Variants in RALYL observed in about 807,000 individuals in gnomAD.
The protein encoded by RALYL is RALY RNA binding protein like.
In RALYL, 29 loss-of-function variants were observed where a neutral mutation model predicts 35.1. That is an observed-to-expected ratio of 0.83 (90% CI 0.61 to 1.13). The LOEUF (loss-of-function observed/expected upper bound fraction) is 1.13. Among genes scored for constraint, RALYL ranks in the 50% most tolerant of loss-of-function variants. The pLI, the probability that RALYL is intolerant of heterozygous loss-of-function variation, is 0.00. For synonymous variants in RALYL, 120 were observed against 127.6 expected, an observed-to-expected ratio of 0.94 and a Z score of 0.40; for missense variants, 359 against 360.4, an observed-to-expected ratio of 1.00 and a Z score of 0.03.
intron 1 of RALYL, among the ~76,000 whole-genome samples, chr8:84,523,295 G>A (rs2058609608): frequency 6.9e-6 from 1 of 145,716 alleles, no homozygotes; most frequent in Non-Finnish European, 1.5e-5. Flanking sequence ...AAAACCATCA[G>A]CTCTCATGAG....
chr8:84,229,683 T>C (rs149465535), intron 1 of RALYL, among the ~76,000 whole-genome samples: 3,063 of 152,292 alleles, frequency 0.02, 48 homozygotes, highest in Middle Eastern at 0.075. Flanking sequence ...TTAGATATTT[T>C]GAGATTAAGA....
intron 1 of RALYL, among the ~76,000 whole-genome samples, chr8:84,377,497 C>A (rs1857179242): frequency 1.3e-5 from 1 of 78,364 alleles, no homozygotes. Flanking sequence ...CCCATGAGAT[C>A]AGTTTTCTTT....
intron 8 of RALYL, among the ~76,000 whole-genome samples, chr8:84,906,509 T>C (rs559474906): frequency 1.3e-5 from 2 of 152,174 alleles, no homozygotes; most frequent in East Asian, 3.9e-4. Context: ...ACAAAAGAAA[T>C]GGCAACAGGT....
intron 4 of RALYL, among the ~76,000 whole-genome samples, chr8:84,813,907 A>G (rs1468679153): frequency 1.5e-5 from 1 of 68,654 alleles, no homozygotes; most frequent in Non-Finnish European, 2.8e-5. Flanking sequence ...CCCTCCCCCC[A>G]CCCCACGACA....
intron 1 of RALYL, among the ~76,000 whole-genome samples, chr8:84,312,703 T>C (rs1843037343): frequency 6.6e-6 from 1 of 152,250 alleles, no homozygotes; most frequent in Admixed American, 6.5e-5. Flanking sequence ...CCCATGGCCT[T>C]GGGCAGGTCT....
chr8:84,619,886 G>C (rs1348395455), intron 2 of RALYL, among the ~76,000 whole-genome samples: 2 of 151,008 alleles, frequency 1.3e-5, no homozygotes, highest in South Asian at 2.1e-4. Flanking sequence ...ATTCTGGGTT[G>C]AAAATTCTTT....
intron 2 of RALYL, among the ~76,000 whole-genome samples, chr8:84,570,382 G>C (rs563049497): frequency 5.3e-5 from 8 of 151,414 alleles, no homozygotes; most frequent in African/African-American, 1.9e-4. Flanking sequence ...CTCTCAGCTT[G>C]AACATTATTG....
chr8:84,214,144 T>A (rs967437267), intron 1 of RALYL, among the ~76,000 whole-genome samples: 6 of 152,130 alleles, frequency 3.9e-5, no homozygotes, highest in African/African-American at 1.4e-4. Flanking sequence ...CTTAATTAGG[T>A]CAAATTACCT....
intron 1 of RALYL, among the ~76,000 whole-genome samples, chr8:84,261,556 T>TA (rs1294286542): frequency 6.6e-6 from 1 of 152,166 alleles, no homozygotes; most frequent in Admixed American, 6.5e-5. Flanking sequence ...GTGAGTCAAT[T>TA]AAACCTCTTT....
At chr8:84,868,233 G>A (rs1839539918) in intron 6 of RALYL, among the ~76,000 whole-genome samples, 1 of 152,238 alleles carries the variant, frequency 6.6e-6, no homozygotes, top group Non-Finnish European at 1.5e-5. Context: ...TAGAAATAGA[G>A]TATCACTCTG....
At chr8:84,859,698 A>G (rs1837742029) in intron 5 of RALYL, among the ~76,000 whole-genome samples, 1 of 152,030 alleles carries the variant, frequency 6.6e-6, no homozygotes, top group East Asian at 1.9e-4. Context: ...AAAAATACAA[A>G]AAAATTTATC....
intron 2 of RALYL, among the ~76,000 whole-genome samples, chr8:84,725,470 T>G (rs1451622983): frequency 6.6e-6 from 1 of 151,830 alleles, no homozygotes; most frequent in Non-Finnish European, 1.5e-5. Context: ...TGAAACAGAT[T>G]AAGTAGACTG....
chr8:84,262,722 T>G (rs2131830661), intron 1 of RALYL, among the ~76,000 whole-genome samples: 1 of 152,276 alleles, frequency 6.6e-6, no homozygotes, highest in South Asian at 2.1e-4. Context: ...TAATGGGTCA[T>G]GAAATCAACT....
At chr8:84,225,190 G>T (rs1823579153) in intron 1 of RALYL, among the ~76,000 whole-genome samples, 1 of 152,170 alleles carries the variant, frequency 6.6e-6, no homozygotes, top group South Asian at 2.1e-4. Context: ...GGTATAAAAT[G>T]TGTGTTGAAA....
chr8:84,581,846 A>G (rs1053956403), intron 2 of RALYL, among the ~76,000 whole-genome samples: 1 of 152,200 alleles, frequency 6.6e-6, no homozygotes, highest in South Asian at 2.1e-4. Flanking sequence ...AAATTTCTCA[A>G]TGAATTATTC....
chr8:84,311,090 A>AAAAAAAATATAT (rs1554614840), intron 1 of RALYL, among the ~76,000 whole-genome samples: 12 of 99,768 alleles, frequency 1.2e-4, no homozygotes, highest in East Asian at 7.0e-4. Flanking sequence ...AAAAAAAAAA[A>AAAAAAAATATAT]ATGTATATTA....
At chr8:84,408,990 A>C (rs1361080223) in intron 1 of RALYL, among the ~76,000 whole-genome samples, 1 of 152,152 alleles carries the variant, frequency 6.6e-6, no homozygotes, top group East Asian at 1.9e-4. Flanking sequence ...CAATGCTATA[A>C]TTAACTTTAG....
intron 1 of RALYL, among the ~76,000 whole-genome samples, chr8:84,302,112 T>TACA (rs1840910745): frequency 6.6e-6 from 1 of 152,174 alleles, no homozygotes; most frequent in Non-Finnish European, 1.5e-5. Flanking sequence ...GTATCAAAGA[T>TACA]TATCATACAA....
intron 5 of RALYL, among the ~76,000 whole-genome samples, chr8:84,859,590 G>T (rs181929273): frequency 6.6e-6 from 1 of 152,090 alleles, no homozygotes; most frequent in African/African-American, 2.4e-5. Context: ...TGGCTCATGC[G>T]TATAATCCCA....
Sources: allele counts gnomAD v4.1 joint callset (sites outside exome capture counted in the v4.1 genomes callset), GRCh38; gene constraint gnomAD v4.1.1; transcripts MANE v1.5; gene names NCBI Gene and HGNC (gene_info 2026-07-23, HGNC 2026-07-21).